PIEZO2: variants seen among roughly 807,000 people sequenced by gnomAD.
PIEZO2 encodes the protein piezo type mechanosensitive ion channel component 2.
A neutral mutation model predicts 337.3 loss-of-function variants in PIEZO2; 172 were observed. The observed-to-expected ratio is 0.51, with a 90% CI of 0.45 to 0.58. The LOEUF (loss-of-function observed/expected upper bound fraction) is 0.58. Among genes scored for constraint, PIEZO2 ranks in the 20% least tolerant of loss-of-function variants. The probability of loss-of-function intolerance (pLI) is 0.00; values close to 1 mark genes in which losing one functional copy is unlikely to be tolerated. For synonymous variants in PIEZO2, 1,251 were observed against 1,228.5 expected, an observed-to-expected ratio of 1.02 and a Z score of -0.38; for missense variants, 3,028 against 3,391.3, an observed-to-expected ratio of 0.89 and a Z score of 2.66.
chr18:11,142,273 A>G (rs1431832134), intron 1 of PIEZO2, among the ~76,000 whole-genome samples: 2 of 152,230 alleles, frequency 1.3e-5, no homozygotes, highest in Non-Finnish European at 2.9e-5. Flanking sequence ...AAATTTTAAA[A>G]ATAATTTAGC....
Position 10,724,683 on chromosome 18 carries a change from G to A in PIEZO2, c.5030-6424C>T. 3.8e-6 allele frequency: 4 copies of A among 1,045,486 alleles called. No homozygotes were observed. The highest frequency in any genetic ancestry group is 3.1e-5 in the South Asian group (2 of 63,862). The allele number at this position is 1,045,486 out of a possible 1,614,324, so 64.8% of individuals were successfully genotyped here. ...CCACCAGCCCACCTACCAGTCTGCT[G>A]TCCCTGCGTCATAGGCTGAAGCACT... On this transcript the variant is annotated intron_variant, in intron 36 of 55. Coordinates refer to ENST00000674853, the MANE Select transcript of PIEZO2 (RefSeq NM_001378183.1). The surrounding 1 kb of genome is among the most constrained non-coding windows in gnomAD (Gnocchi z 5.8).
rs747856560 is a variant in PIEZO2 at position 10,773,755 on chromosome 18, G to C, written c.2568-126C>G. 3.3e-6 allele frequency: 3 copies of C among 897,190 alleles called. No individual in the cohort carries two copies. Among genetic ancestry groups the C allele is most frequent in the Non-Finnish European group, 3.3e-6 (2 of 599,800 alleles). 55.6% of individuals were successfully genotyped at this position (897,190 alleles called of 1,614,324 possible). On this transcript the variant is annotated intron_variant, in intron 19 of 55. Transcript: ENST00000674853. This position sits in a 1 kb window ranked among gnomAD's most constrained non-coding sequence, Gnocchi z 5.3. ...ATGTACAAAGACCTCACAAGGTGGG[G>C]TGTTAGCGTTTTGTCACTTTCTTTT...
chr18:10,711,543 A>G (rs775430199), intron 39 of PIEZO2, among the ~76,000 whole-genome samples: 1 of 152,200 alleles, frequency 6.6e-6, no homozygotes, highest in South Asian at 2.1e-4. Context: ...TGTTAATGTC[A>G]TCACAAATTA....
intron 4 of PIEZO2, among the ~76,000 whole-genome samples, chr18:10,871,860 A>T (rs1287101990): frequency 6.6e-6 from 1 of 152,228 alleles, no homozygotes; most frequent in Non-Finnish European, 1.5e-5. Context: ...GGACCTCTTC[A>T]TTATTTTGTA....
Position 10,752,785 on chromosome 18 carries a change from T to C in PIEZO2, c.4018A>G (p.Ile1340Val). ...GCCACCAGGTACCCCATGCAAAAGA[T>C]GCTGATCCTGGTGGTCCCAGTGATG... ...IFITGTTRIS[I>V]FCMGYLVACF... Residue 1340 changes from isoleucine to valine, a missense_variant, in exon 28 of 56, where the codon ATC becomes GTC. Physicochemically the swap from Ile to Val is conservative, Grantham distance 29 (BLOSUM62 3). Coordinates refer to ENST00000674853, the MANE Select transcript of PIEZO2 (RefSeq NM_001378183.1). 3 of 1,537,174 alleles carry C rather than the reference T, an allele frequency of 2.0e-6. No individual in the cohort carries two copies. Among genetic ancestry groups the C allele is most frequent in the Non-Finnish European group, 2.6e-6 (3 of 1,146,914 alleles).
Position 11,109,575 on chromosome 18 carries a change from G to A in PIEZO2, c.64+38950C>T, listed in dbSNP as rs1226153659. 6.6e-6 allele frequency among the ~76,000 whole-genome samples: 1 copy of A among 152,090 alleles called. No individual in the cohort carries two copies. Among genetic ancestry groups the A allele is most frequent in the East Asian group, 1.9e-4 (1 of 5,182 alleles). On this transcript the variant is annotated intron_variant, in intron 1 of 55. Transcript: ENST00000674853. The surrounding 1 kb of genome is among the most constrained non-coding windows in gnomAD (Gnocchi z 5.1). ...TACTGAAAATACAAAAAAATTAGCC[G>A]GGCATGGTGGCATGCACCTGTAATC...
chr18:10,934,813 T>TTGTAACTTAC (rs964959111), intron 3 of PIEZO2, among the ~76,000 whole-genome samples: 7 of 152,308 alleles, frequency 4.6e-5, no homozygotes, highest in African/African-American at 1.7e-4. Context: ...CTTTGTTAAA[T>TTGTAACTTAC]TGTAACTTAC....
intron 1 of PIEZO2, among the ~76,000 whole-genome samples, chr18:11,074,670 A>G (rs1026327886): frequency 1.3e-5 from 2 of 152,228 alleles, no homozygotes; most frequent in Non-Finnish European, 2.9e-5. Context: ...AGTAGGAAAA[A>G]TGATCGATTT....
chr18:10,699,371 T>C (rs1486919487), intron 43 of PIEZO2, among the ~76,000 whole-genome samples, 194 bp from the exon 44 acceptor site: 1 of 152,088 alleles, frequency 6.6e-6, no homozygotes, highest in African/African-American at 2.4e-5. Context: ...CGTAATTGAG[T>C]CATGGCGGCA....
rs754936795 is a variant in PIEZO2, at chr18:10,856,147, C to T, written c.704-581G>A. Among the ~76,000 whole-genome samples the T allele has an allele frequency of 3.9e-5, 6 of 152,156 alleles. No individual in the cohort carries two copies. The highest frequency in any genetic ancestry group is 7.3e-5 in the Non-Finnish European group (5 of 68,036). On this transcript the variant is annotated intron_variant, in intron 6 of 55. Coordinates refer to ENST00000674853, the MANE Select transcript of PIEZO2 (RefSeq NM_001378183.1). This position sits in a 1 kb window ranked among gnomAD's most constrained non-coding sequence, Gnocchi z 4.7. ...ACTCCTGGGCTAAGTGATCTTCCCTCCTTGGCCTTCCAAAGGGCTCGGATT... is the reference window on the plus strand; with the variant it reads ...ACTCCTGGGCTAAGTGATCTTCCCTTCTTGGCCTTCCAAAGGGCTCGGATT...
In PIEZO2 at chr18:11,143,644, C is replaced by CTT. The variant is rs2040728692; in HGVS notation, c.64+4880_64+4881insAA. On this transcript the variant is annotated intron_variant, in intron 1 of 55. Coordinates refer to ENST00000674853, the MANE Select transcript of PIEZO2 (RefSeq NM_001378183.1). The surrounding 1 kb of genome is among the most constrained non-coding windows in gnomAD (Gnocchi z 4.9). ...ACACACACACACACACACACACTCT[C>CTT]TCTCTCTCTCTCTCTCTCTCTCTCT... Among the ~76,000 whole-genome samples, 1 of 137,128 alleles carries CTT rather than the reference C, an allele frequency of 7.3e-6. No homozygotes were observed. The highest frequency in any genetic ancestry group is 1.5e-5 in the Non-Finnish European group (1 of 65,328). 90.0% of individuals were successfully genotyped at this position (137,128 alleles called of 152,430 possible).
rs2036784764 is a variant in PIEZO2, at chr18:11,032,708, C to T, written c.160+33419G>A. On this transcript the variant is annotated intron_variant, in intron 2 of 55. Coordinates refer to ENST00000674853, the MANE Select transcript of PIEZO2 (RefSeq NM_001378183.1). The surrounding 1 kb of genome is among the most constrained non-coding windows in gnomAD (Gnocchi z 4.9). ...TCACAGTAGCAGAAATCTCTCTATG[C>T]ATGTGTGTGTGTGAATATGTGCACA... is the stretch of plus-strand genomic sequence containing the variant. 1.3e-5 allele frequency among the ~76,000 whole-genome samples: 2 copies of T among 152,222 alleles called. No individual in the cohort carries two copies. Among genetic ancestry groups the T allele is most frequent in the South Asian group, 4.1e-4 (2 of 4,830 alleles).
intron 3 of PIEZO2, among the ~76,000 whole-genome samples, chr18:10,941,952 T>C (rs1382133684): frequency 1.3e-5 from 2 of 152,124 alleles, no homozygotes; most frequent in African/African-American, 2.4e-5. Context: ...CTCATGATAG[T>C]GAAGGGGTCT....
At position 10,982,614 on chromosome 18, in the gene PIEZO2, A is replaced by G. The variant is rs2034713870; in HGVS notation, c.161-2954T>C. ...ACATTTTAAAAATACATTTGGAAAAATAAGACTGAATTGCCATGTAAATTT... is the reference window on the plus strand; with the variant it reads ...ACATTTTAAAAATACATTTGGAAAAGTAAGACTGAATTGCCATGTAAATTT... On this transcript the variant is annotated intron_variant, in intron 2 of 55. Transcript: ENST00000674853. The surrounding 1 kb of genome is among the most constrained non-coding windows in gnomAD (Gnocchi z 4.1). 6.6e-6 allele frequency among the ~76,000 whole-genome samples: 1 copy of G among 152,252 alleles called. No homozygotes were observed. The highest frequency in any genetic ancestry group is 1.5e-5 in the Non-Finnish European group (1 of 68,038).
chr18:10,730,437 C>A (rs926710536), intron 36 of PIEZO2, among the ~76,000 whole-genome samples: 1 of 152,110 alleles, frequency 6.6e-6, no homozygotes, highest in Non-Finnish European at 1.5e-5. Context: ...TTGAATTTTT[C>A]TTTTCTTGAT....
chr18:11,049,636 T>G (rs1053313757), intron 2 of PIEZO2, among the ~76,000 whole-genome samples: 1 of 152,172 alleles, frequency 6.6e-6, no homozygotes, highest in Non-Finnish European at 1.5e-5. Context: ...GGAAGGTAAC[T>G]GAATCATGGG....
intron 3 of PIEZO2, among the ~76,000 whole-genome samples, chr18:10,927,212 G>T (rs2031795671): frequency 6.6e-6 from 1 of 152,154 alleles, no homozygotes; most frequent in Admixed American, 6.5e-5. Flanking sequence ...TCAGGGTTTT[G>T]CTTTTCTTTT....
intron 49 of PIEZO2, among the ~76,000 whole-genome samples, chr18:10,684,213 T>C (rs1480299205): frequency 1.5e-5 from 2 of 135,850 alleles, no homozygotes; most frequent in South Asian, 2.4e-4. Flanking sequence ...TCGCCCAGGC[T>C]GGAGTGCAGT....
At chr18:10,977,144 A>G (rs1383507403) in intron 3 of PIEZO2, among the ~76,000 whole-genome samples, 1 of 151,878 alleles carries the variant, frequency 6.6e-6, no homozygotes, top group Non-Finnish European at 1.5e-5. Flanking sequence ...TCATATTTTT[A>G]TTTTGACATT....
Sources: allele counts gnomAD v4.1 joint callset (sites outside exome capture counted in the v4.1 genomes callset), GRCh38; gene constraint gnomAD v4.1.1; non-coding constraint Gnocchi (gnomAD v3.1); transcripts MANE v1.5; gene names NCBI Gene and HGNC (gene_info 2026-07-23, HGNC 2026-07-21).